The following NXPE2 variants were observed in gnomAD, a reference collection of about 807,000 sequenced individuals.
NXPE2 encodes the protein neurexophilin and PC-esterase domain family member 2, also known as NXPE family member 2.
A neutral mutation model predicts 34.4 loss-of-function variants in NXPE2; 34 were observed. The observed-to-expected ratio is 0.99, with a 90% confidence interval of 0.75 to 1.31. The LOEUF is 1.31. Ranked by LOEUF, NXPE2 falls within the 40% of genes most tolerant of loss-of-function variation. The probability of loss-of-function intolerance (pLI) is 0.00; values close to 1 mark genes in which losing one functional copy is unlikely to be tolerated. For synonymous variants in NXPE2, 235 were observed against 231.3 expected (o/e 1.02, Z -0.15); for missense variants, 649 against 672.5 (o/e 0.97, Z 0.39).
At chr11:114,800,934 T>G in the NXPE2 span, among the ~76,000 whole-genome samples, 1 of 152,232 alleles carries the variant, frequency 6.6e-6, no homozygotes, top group Non-Finnish European at 1.5e-5. Flanking sequence ...CTTTATAATC[T>G]ATTAAGTTCT....
At chr11:114,573,066 T>A in the NXPE2 span, among the ~76,000 whole-genome samples, 47 of 152,110 alleles carry the variant, frequency 3.1e-4, no homozygotes, top group Non-Finnish European at 5.9e-4. Context: ...TTTAGCCTCC[T>A]TAAACAAAAA....
At chr11:114,781,601 G>T in the NXPE2 span, among the ~76,000 whole-genome samples, 1 of 152,142 alleles carries the variant, frequency 6.6e-6, no homozygotes, top group Admixed American at 6.6e-5. Context: ...AATATGACCA[G>T]GGGCAAGGGC....
the NXPE2 span, among the ~76,000 whole-genome samples, chr11:114,492,774 C>T: frequency 4.6e-5 from 7 of 152,176 alleles, no homozygotes; most frequent in South Asian, 2.1e-4. Context: ...TTCTTGACCT[C>T]GTGATCCGCC....
chr11:114,626,783 AT>A, the NXPE2 span, among the ~76,000 whole-genome samples: 10 of 152,290 alleles, frequency 6.6e-5, 1 homozygote, highest in East Asian at 1.9e-3. Flanking sequence ...AAAATTTAGA[AT>A]AATGTATAAC....
the NXPE2 span, among the ~76,000 whole-genome samples, chr11:114,614,436 C>T: frequency 9.2e-5 from 14 of 151,926 alleles, no homozygotes; most frequent in Admixed American, 9.2e-4. Context: ...TAAGTATTGC[C>T]TCGTGGGTAA....
the NXPE2 span, among the ~76,000 whole-genome samples, chr11:114,790,161 G>A: frequency 6.6e-6 from 1 of 152,184 alleles, no homozygotes; most frequent in Non-Finnish European, 1.5e-5. Flanking sequence ...TGACTCAGGA[G>A]TATAGGGCCT....
At chr11:114,645,174 C>A in the NXPE2 span, among the ~76,000 whole-genome samples, 1 of 151,934 alleles carries the variant, frequency 6.6e-6, no homozygotes, top group Admixed American at 6.6e-5. Flanking sequence ...TGATGGCGTG[C>A]ACTTATAATC....
At chr11:114,569,118 T>A in the NXPE2 span, among the ~76,000 whole-genome samples, 4 of 152,182 alleles carry the variant, frequency 2.6e-5, no homozygotes, top group Non-Finnish European at 5.9e-5. Flanking sequence ...CTATTGTAAT[T>A]GTTTTTTTCC....
At chr11:114,704,706 A>G (rs1951439645) in intron 4 of NXPE2, among the ~76,000 whole-genome samples, 2 of 152,228 alleles carry the variant, frequency 1.3e-5, no homozygotes, top group Admixed American at 1.3e-4. Flanking sequence ...TACTGTACAA[A>G]GAAATTTGCT....
At chr11:114,535,609 C>CA in the NXPE2 span, among the ~76,000 whole-genome samples, 3 of 151,656 alleles carry the variant, frequency 2.0e-5, no homozygotes, top group Non-Finnish European at 4.4e-5. Context: ...AAATGGAAAA[C>CA]AAAAAAATGC....
chr11:114,465,343 A>G, the NXPE2 span, among the ~76,000 whole-genome samples: 1 of 152,236 alleles, frequency 6.6e-6, no homozygotes, highest in Non-Finnish European at 1.5e-5. Context: ...TACATGCAGC[A>G]ACATGGATGA....
chr11:114,714,907 A>T, the NXPE2 span, among the ~76,000 whole-genome samples: 2 of 152,146 alleles, frequency 1.3e-5, no homozygotes, highest in Non-Finnish European at 2.9e-5. Context: ...CTGTAATCCC[A>T]GCTACTTGGG....
At chr11:114,469,728 T>C in the NXPE2 span, among the ~76,000 whole-genome samples, 1 of 152,032 alleles carries the variant, frequency 6.6e-6, no homozygotes, top group African/African-American at 2.4e-5. Context: ...CCTGACCTCG[T>C]GATTCGCCCA....
the NXPE2 span, among the ~76,000 whole-genome samples, chr11:114,495,531 CT>C: frequency 6.6e-6 from 1 of 151,806 alleles, no homozygotes; most frequent in Non-Finnish European, 1.5e-5. Flanking sequence ...GGTACCCAAG[CT>C]GCAAAACAAA....
At chr11:114,640,717 G>C in the NXPE2 span, among the ~76,000 whole-genome samples, 1 of 151,864 alleles carries the variant, frequency 6.6e-6, no homozygotes, top group African/African-American at 2.4e-5. Context: ...GTGATACTGA[G>C]TATTTTTTAT....
the NXPE2 span, among the ~76,000 whole-genome samples, chr11:114,626,829 C>A: frequency 1.3e-5 from 2 of 151,998 alleles, no homozygotes; most frequent in Non-Finnish European, 2.9e-5. Flanking sequence ...CTTAAAGGAG[C>A]TGGTGGAGCT....
At chr11:114,614,421 G>T in the NXPE2 span, among the ~76,000 whole-genome samples, 2 of 151,060 alleles carry the variant, frequency 1.3e-5, no homozygotes, top group African/African-American at 4.9e-5. Flanking sequence ...TTACCCAGTG[G>T]ATAATAAGTA....
the NXPE2 span, among the ~76,000 whole-genome samples, chr11:114,611,431 A>G: frequency 2.0e-5 from 3 of 151,020 alleles, no homozygotes; most frequent in Non-Finnish European, 4.4e-5. Context: ...CCTCTAGGGT[A>G]ATCACTGTTA....
At chr11:114,777,673 C>T in the NXPE2 span, among the ~76,000 whole-genome samples, 4 of 152,274 alleles carry the variant, frequency 2.6e-5, no homozygotes, top group Admixed American at 1.3e-4. Context: ...TTCCTTCCTT[C>T]CTTCTTCAAC....
Sources: gnomAD v4.1 joint callset for allele counts (sites outside exome capture counted in the v4.1 genomes callset) on GRCh38, gnomAD v4.1.1 for gene constraint, MANE v1.5 for transcripts, NCBI Gene and HGNC (gene_info 2026-07-23, HGNC 2026-07-21) for gene names.